AFTPH: variants seen among roughly 807,000 people sequenced by gnomAD.
AFTPH encodes the protein aftiphilin protein.
Under a neutral mutation model 72.5 loss-of-function variants are expected in AFTPH, and 7 were observed. The observed-to-expected ratio is 0.10, with a 90% CI of 0.05 to 0.18. AFTPH has a LOEUF of 0.18. AFTPH is among the 10% of genes least tolerant of loss of function. The pLI, the probability that AFTPH is intolerant of heterozygous loss-of-function variation, is 1.00. For missense variants in AFTPH, 979 were observed against 1,060.5 expected (o/e 0.92, Z 1.07); for synonymous variants, 337 against 370.1 (o/e 0.91, Z 1.03).
chr2:64,583,133 C>T (rs1038116282), intron 7 of AFTPH, among the ~76,000 whole-genome samples: 21 of 152,112 alleles, frequency 1.4e-4, no homozygotes, highest in Non-Finnish European at 2.1e-4. Context: ...CAGGTATCAA[C>T]ACCTTCCTTA....
At chr2:64,548,937 G>A (rs1670846059) in intron 1 of AFTPH, among the ~76,000 whole-genome samples, 1 of 152,058 alleles carries the variant, frequency 6.6e-6, no homozygotes, top group Non-Finnish European at 1.5e-5. Context: ...TCCTTTTCTT[G>A]TGACTTGCTC....
Position 64,526,009 on chromosome 2 carries a change from A to G in AFTPH, c.-33+1397A>G, listed in dbSNP as rs142460130. Reference sequence around the variant, plus strand: ...ATCAGTTGATCTTCAAAGTACACATATATTTTTAAATCTTCAAAAACCTCT... The same window carrying G: ...ATCAGTTGATCTTCAAAGTACACATGTATTTTTAAATCTTCAAAAACCTCT... On this transcript the variant is annotated intron_variant, in intron 1 of 8. Transcript: ENST00000238856. Among the ~76,000 whole-genome samples the G allele has an allele frequency of 5.3e-5, 8 of 152,376 alleles. No individual in the cohort carries two copies. The East Asian group carries it at 1.3e-3, about 26-fold the overall frequency.
At chr2:64,551,979 G>A (rs1333861063) in exon 2 of AFTPH, 1 of 1,613,816 alleles carries the variant, frequency 6.2e-7, no homozygotes, top group Admixed American at 1.7e-5. Flanking sequence ...CAAGCAGTTA[G>A]AGAGCTGCAA....
chr2:64,560,532 T>C (rs190613916), intron 2 of AFTPH, among the ~76,000 whole-genome samples: 1 of 152,320 alleles, frequency 6.6e-6, no homozygotes, highest in Admixed American at 6.5e-5. Flanking sequence ...TGCATACGAC[T>C]TTCCTGAGCC....
chr2:64,576,113 ACACACGTG>A (rs1672773719), intron 6 of AFTPH, among the ~76,000 whole-genome samples: 1 of 122,212 alleles, frequency 8.2e-6, no homozygotes, highest in African/African-American at 4.2e-5. Flanking sequence ...ACACACACAC[ACACACGTG>A]TGTCATACAA....
In AFTPH at chr2:64,555,989, C is replaced by CTTTTTTTTTTTTT. The variant is rs774669104; in HGVS notation, c.1935+2583_1935+2595dup. 7.4e-4 allele frequency among the ~76,000 whole-genome samples: 99 copies of CTTTTTTTTTTTTT among 134,078 alleles called. 6 individuals carry two copies. The highest frequency in any genetic ancestry group is 2.7e-3 in the African/African-American group (87 of 32,376). The allele number at this position is 134,078 out of a possible 152,430, so 88.0% of individuals were successfully genotyped here. ...TGTTTGGAACAGCACGAATTCCTCA[C>CTTTTTTTTTTTTT]TTTTTTTTTTTTTTTGGAGACAGAA... On this transcript the variant is annotated intron_variant, in intron 2 of 8. Transcript: ENST00000238856.
At chr2:64,575,937 C>G (rs1437595563) in intron 6 of AFTPH, among the ~76,000 whole-genome samples, 2 of 151,844 alleles carry the variant, frequency 1.3e-5, no homozygotes, top group African/African-American at 4.8e-5. Flanking sequence ...CAGGGTTTCA[C>G]CATGTTGGCC....
At chr2:64,525,807 C>A (rs560205974) in intron 1 of AFTPH, among the ~76,000 whole-genome samples, 1 of 152,304 alleles carries the variant, frequency 6.6e-6, no homozygotes, top group African/African-American at 2.4e-5. Context: ...ATTTTTAACA[C>A]TTCGCAGAGG....
intron 8 of AFTPH, among the ~76,000 whole-genome samples, chr2:64,585,796 C>G (rs1316611222): frequency 1.3e-5 from 2 of 151,392 alleles, no homozygotes; most frequent in Non-Finnish European, 1.5e-5. Context: ...CCCTGCCCCC[C>G]CACCTCACTT....
At chr2:64,579,530 T>C (rs200343052) in exon 7 of AFTPH, 240 of 1,613,804 alleles carry the variant, frequency 1.5e-4, no homozygotes, top group Non-Finnish European at 1.9e-4. Context: ...GCAGTGGCCT[T>C]ACTAACCCTT....
chr2:64,584,779 G>A (rs1287429307), intron 7 of AFTPH, among the ~76,000 whole-genome samples: 1 of 151,944 alleles, frequency 6.6e-6, no homozygotes, highest in East Asian at 1.9e-4. Flanking sequence ...TGTATTTTTA[G>A]TAGAGACGGG....
At chr2:64,560,798 A>C (rs762984056) in intron 2 of AFTPH, among the ~76,000 whole-genome samples, 2 of 152,186 alleles carry the variant, frequency 1.3e-5, no homozygotes, top group Non-Finnish European at 2.9e-5. Context: ...ACTTGAACCC[A>C]GGAGACGAAG....
chr2:64,587,554 ATCT>A (rs1469306411), intron 8 of AFTPH, among the ~76,000 whole-genome samples: 2 of 152,246 alleles, frequency 1.3e-5, no homozygotes, highest in East Asian at 3.8e-4. Context: ...GCTCAGCAAA[ATCT>A]TCTTGGCTAT....
At chr2:64,561,672 A>G (rs911614058) in intron 2 of AFTPH, among the ~76,000 whole-genome samples, 1 of 152,152 alleles carries the variant, frequency 6.6e-6, no homozygotes, top group East Asian at 1.9e-4. Context: ...GAGTGAGACC[A>G]TCTCTTAAAA....
intron 3 of AFTPH, 55 bp from the exon 4 acceptor site, chr2:64,569,037 A>G (rs1045617028): frequency 1.1e-4 from 170 of 1,604,936 alleles, no homozygotes; most frequent in Non-Finnish European, 3.4e-6. Context: ...AGTAGAACTC[A>G]TGGTGAAAGT....
At chr2:64,560,909 T>C (rs1558615076) in intron 2 of AFTPH, among the ~76,000 whole-genome samples, 2 of 152,074 alleles carry the variant, frequency 1.3e-5, no homozygotes, top group Non-Finnish European at 2.9e-5. Context: ...GGGAGGCAAA[T>C]CAGAATTTGT....
chr2:64,567,272 T>C (rs1163752545), intron 2 of AFTPH, among the ~76,000 whole-genome samples: 1 of 152,218 alleles, frequency 6.6e-6, no homozygotes, highest in Non-Finnish European at 1.5e-5. Flanking sequence ...GTAATTTCTT[T>C]TTTGTAGAAT....
chr2:64,586,320 T>A (rs1673503708), intron 8 of AFTPH, among the ~76,000 whole-genome samples: 1 of 152,244 alleles, frequency 6.6e-6, no homozygotes, highest in South Asian at 2.1e-4. Flanking sequence ...CATCAGCATT[T>A]TAAAGTGGAA....
chr2:64,536,199 A>T (rs1669875137), intron 1 of AFTPH, among the ~76,000 whole-genome samples: 1 of 152,196 alleles, frequency 6.6e-6, no homozygotes, highest in Non-Finnish European at 1.5e-5. Flanking sequence ...TCAGGAGGTC[A>T]GACATATAGG....
Sources: allele counts gnomAD v4.1 joint callset (sites outside exome capture counted in the v4.1 genomes callset), GRCh38; gene constraint gnomAD v4.1.1; transcripts MANE v1.5; gene names NCBI Gene and HGNC (gene_info 2026-07-23, HGNC 2026-07-21).